C8orf34: variants seen among roughly 807,000 people sequenced by gnomAD.
C8orf34 encodes chromosome 8 open reading frame 34.
Under a neutral mutation model 68.3 loss-of-function variants are expected in C8orf34, and 65 were observed. The observed-to-expected ratio is 0.95, with a 90% CI of 0.78 to 1.17. C8orf34 has a LOEUF of 1.17. Ranked by LOEUF, C8orf34 falls within the 50% of genes most tolerant of loss-of-function variation. C8orf34 has a pLI of 0.00. For missense variants in C8orf34, 664 were observed against 655.4 expected (o/e 1.01, Z -0.14); for synonymous variants, 244 against 241.2 (o/e 1.01, Z -0.11).
At chr8:68,404,345 G>T (rs1809094490) in intron 1 of C8orf34, among the ~76,000 whole-genome samples, 1 of 152,092 alleles carries the variant, frequency 6.6e-6, no homozygotes. Flanking sequence ...TCTGATGATA[G>T]TTTCTTTTGC....
chr8:68,650,448 C>T (rs929199489), intron 8 of C8orf34, among the ~76,000 whole-genome samples: 2 of 147,024 alleles, frequency 1.4e-5, no homozygotes, highest in African/African-American at 2.5e-5. Flanking sequence ...TTGCATCGAG[C>T]GGGAAAAGGC....
chr8:68,792,894 T>G lies in C8orf34; in HGVS notation c.1549+5358T>G, dbSNP rs555680530. Among the ~76,000 whole-genome samples, 137 of 152,106 alleles carry G rather than the reference T, an allele frequency of 9.0e-4. 1 individual carries two copies. Among genetic ancestry groups the G allele is most frequent in the African/African-American group, 3.2e-3 (135 of 41,540 alleles). On this transcript the variant is annotated intron_variant, in intron 12 of 13. Coordinates refer to ENST00000518698, the MANE Select transcript of C8orf34 (RefSeq NM_052958.4). ...GTGTGTATGAGTGTGTGTGTGTATG[T>G]GTGTATGTATGCATATATAAAAATA...
intron 8 of C8orf34, among the ~76,000 whole-genome samples, 156 bp from the exon 9 acceptor site, chr8:68,708,838 T>C (rs1169024337): frequency 3.9e-5 from 6 of 152,184 alleles, no homozygotes; most frequent in African/African-American, 1.2e-4. Flanking sequence ...AAAAATCCTA[T>C]ATTAAAATGG....
chr8:68,367,887 C>T (rs1487752225), intron 1 of C8orf34, among the ~76,000 whole-genome samples: 5 of 37,238 alleles, frequency 1.3e-4, no homozygotes, highest in African/African-American at 1.8e-4. Flanking sequence ...TACCCTAAAA[C>T]CTAAAGTATA....
At chr8:68,336,267 GA>G (rs1805847615) in intron 1 of C8orf34, among the ~76,000 whole-genome samples, 2 of 151,878 alleles carry the variant, frequency 1.3e-5, no homozygotes, top group African/African-American at 4.8e-5. Flanking sequence ...AGACCCATAT[GA>G]CAAGGAGAGC....
intron 3 of C8orf34, among the ~76,000 whole-genome samples, chr8:68,451,371 C>T (rs1303614480): frequency 1.3e-5 from 2 of 152,084 alleles, no homozygotes; most frequent in Non-Finnish European, 2.9e-5. Flanking sequence ...CATTTGCATT[C>T]GCTACTTGGC....
At chr8:68,715,793 G>C (rs1222569848) in intron 9 of C8orf34, among the ~76,000 whole-genome samples, 1 of 152,144 alleles carries the variant, frequency 6.6e-6, no homozygotes, top group South Asian at 2.1e-4. Context: ...TCTACCATTT[G>C]ATCCAGCAAT....
chr8:68,798,802 A>T (rs1264737125), intron 12 of C8orf34, among the ~76,000 whole-genome samples: 2 of 152,218 alleles, frequency 1.3e-5, no homozygotes, highest in Non-Finnish European at 2.9e-5. Flanking sequence ...CTGTGATATT[A>T]TGAAAGGTCC....
At position 68,508,617 on chromosome 8, in the gene C8orf34, T is replaced by A. The variant is rs76179941; in HGVS notation, c.766-13182T>A. Among the ~76,000 whole-genome samples, 134 of 152,294 alleles carry A rather than the reference T, an allele frequency of 8.8e-4. 2 individuals are homozygous for A. The Middle Eastern group carries it at 0.01, about 12-fold the overall frequency. On this transcript the variant is annotated intron_variant, in intron 5 of 13. Transcript: ENST00000518698. ...AACAGGTCTCATTTGGGCCCTCTCA[T>A]GTGTCCAGAGGTTGGCTGGCTGTCA...
chr8:68,481,993 A>G (rs772834104), intron 4 of C8orf34, among the ~76,000 whole-genome samples: 1 of 152,142 alleles, frequency 6.6e-6, no homozygotes, highest in Non-Finnish European at 1.5e-5. Context: ...CCAGGGAAGG[A>G]TTGATATGGA....
chr8:68,608,130 A>C (rs529364763), intron 7 of C8orf34, among the ~76,000 whole-genome samples: 7 of 150,512 alleles, frequency 4.7e-5, no homozygotes, highest in South Asian at 4.2e-4. Context: ...AGAAAAAAAA[A>C]CAATAAAACT....
chr8:68,694,708 C>T (rs908142648), intron 8 of C8orf34, among the ~76,000 whole-genome samples: 9 of 151,658 alleles, frequency 5.9e-5, no homozygotes, highest in African/African-American at 2.2e-4. Context: ...CTTTTTTATC[C>T]ACATCTGGGG....
At chr8:68,790,444 T>C (rs1356860331) in intron 12 of C8orf34, among the ~76,000 whole-genome samples, 2 of 152,212 alleles carry the variant, frequency 1.3e-5, no homozygotes, top group Non-Finnish European at 2.9e-5. Flanking sequence ...TGAGACAAGA[T>C]CATCTTGGCA....
chr8:68,705,603 GA>G (rs1416998031), intron 8 of C8orf34, among the ~76,000 whole-genome samples: 2 of 152,122 alleles, frequency 1.3e-5, no homozygotes, highest in Non-Finnish European at 2.9e-5. Context: ...TGAGGAGTAG[GA>G]GTGAATAAAA....
At chr8:68,447,440 A>C (rs973889286) in intron 3 of C8orf34, 1 of 152,138 alleles carries the variant, frequency 6.6e-6, no homozygotes, top group Non-Finnish European at 1.5e-5. Context: ...GTGCTCTGCT[A>C]TCCCCACATA....
intron 1 of C8orf34, among the ~76,000 whole-genome samples, chr8:68,359,862 T>C (rs1806910246): frequency 6.6e-6 from 1 of 152,218 alleles, no homozygotes; most frequent in Admixed American, 6.5e-5. Flanking sequence ...AGGAATTATG[T>C]TGAGCCTCAT....
At chr8:68,394,797 G>T (rs1308239677) in intron 1 of C8orf34, among the ~76,000 whole-genome samples, 1 of 151,772 alleles carries the variant, frequency 6.6e-6, no homozygotes, top group Non-Finnish European at 1.5e-5. Context: ...GTGATGGTGC[G>T]TTTCATTTAA....
At chr8:68,767,034 A>G (rs185798537) in intron 10 of C8orf34, among the ~76,000 whole-genome samples, 44 of 152,180 alleles carry the variant, frequency 2.9e-4, no homozygotes, top group Non-Finnish European at 5.4e-4. Flanking sequence ...AAATACCAAA[A>G]ATTAGCCAGG....
At chr8:68,452,710 G>T (rs1372498015) in intron 3 of C8orf34, among the ~76,000 whole-genome samples, 1 of 148,088 alleles carries the variant, frequency 6.8e-6, no homozygotes, top group African/African-American at 2.5e-5. Flanking sequence ...CACTTGGGGG[G>T]ATTATGTTTT....
Sources: gnomAD v4.1 joint callset for allele counts (sites outside exome capture counted in the v4.1 genomes callset) on GRCh38, gnomAD v4.1.1 for gene constraint, MANE v1.5 for transcripts, NCBI Gene and HGNC (gene_info 2026-07-23, HGNC 2026-07-21) for gene names.